Variants in AOX1 observed in about 807,000 individuals in gnomAD.
AOX1 encodes aldehyde oxidase 1.
Under a neutral mutation model 169.5 loss-of-function variants are expected in AOX1, and 153 were observed. That is an observed-to-expected ratio of 0.90 (90% CI 0.79 to 1.03). The LOEUF (loss-of-function observed/expected upper bound fraction) is 1.03. AOX1 is among the 50% of genes least tolerant of loss of function. The probability of loss-of-function intolerance (pLI) is 0.00; values close to 1 mark genes in which losing one functional copy is unlikely to be tolerated. For synonymous variants in AOX1, 562 were observed against 581.9 expected, an observed-to-expected ratio of 0.97 and a Z score of 0.49; for missense variants, 1,656 against 1,663.9, an observed-to-expected ratio of 1.00 and a Z score of 0.08.
chr2:200,618,594 T>C (rs890333836), intron 16 of AOX1, among the ~76,000 whole-genome samples: 1 of 152,196 alleles, frequency 6.6e-6, no homozygotes, highest in South Asian at 2.1e-4. Context: ...ACTCTGCCGT[T>C]CTCTCCTGAT....
intron 1 of AOX1, among the ~76,000 whole-genome samples, chr2:200,590,598 T>G (rs529555006): frequency 2.2e-4 from 34 of 152,226 alleles, no homozygotes; most frequent in South Asian, 1.0e-3. Flanking sequence ...AAAACACATT[T>G]CAAACTGGTG....
intron 31 of AOX1, among the ~76,000 whole-genome samples, chr2:200,663,481 A>G (rs1372119843): frequency 6.6e-6 from 1 of 151,906 alleles, no homozygotes; most frequent in Non-Finnish European, 1.5e-5. Context: ...TGCTTTTTAG[A>G]TAGTTTAAGA....
intron 19 of AOX1, among the ~76,000 whole-genome samples, chr2:200,625,426 C>G (rs1424041984): frequency 6.6e-6 from 1 of 152,138 alleles, no homozygotes; most frequent in Non-Finnish European, 1.5e-5. Flanking sequence ...AGATGCCACT[C>G]CCCCCACCCT....
At chr2:200,608,772 C>T (rs1309937843) in intron 10 of AOX1, among the ~76,000 whole-genome samples, 1 of 152,098 alleles carries the variant, frequency 6.6e-6, no homozygotes, top group Non-Finnish European at 1.5e-5. Flanking sequence ...ACCCCCTCAA[C>T]TGCTATCCCT....
chr2:200,635,255 C>G (rs1414391593), intron 21 of AOX1, among the ~76,000 whole-genome samples: 1 of 152,076 alleles, frequency 6.6e-6, no homozygotes, highest in Non-Finnish European at 1.5e-5. Flanking sequence ...AAGTGGGAGC[C>G]TTTTGTTTGT....
intron 31 of AOX1, among the ~76,000 whole-genome samples, chr2:200,664,748 T>A (rs529946493): frequency 2.0e-5 from 3 of 152,346 alleles, no homozygotes; most frequent in Non-Finnish European, 4.4e-5. Flanking sequence ...ATTCTCCTGT[T>A]GATAGACTTG....
intron 26 of AOX1, among the ~76,000 whole-genome samples, chr2:200,651,750 G>A (rs537492747): frequency 3.3e-5 from 5 of 152,206 alleles, no homozygotes; most frequent in African/African-American, 1.2e-4. Context: ...GGGGGGACTG[G>A]GAATCTGCTC....
In AOX1 at chr2:200,616,054, A is replaced by C. The variant is rs749390148; in HGVS notation, c.1695A>C (p.Leu565Phe). Residue 565 changes from leucine to phenylalanine, a missense_variant, in exon 16 of 35, where the codon TTA becomes TTC. By Grantham distance (22) the Leu-to-Phe change is conservative. Coordinates refer to ENST00000374700, the MANE Select transcript of AOX1 (RefSeq NM_001159.4). ...DLHSKHHCSTLKYQNIGPKQH... is the reference protein window; with the variant it reads ...DLHSKHHCSTFKYQNIGPKQH... ...ATTCCAAACATCACTGCAGTACATT[A>C]AAGTACCAGGTGAGCGGTATTTCTT... The C allele has an allele frequency of 6.2e-7, 1 of 1,611,264 alleles. No individual in the cohort carries two copies. Among genetic ancestry groups the C allele is most frequent in the East Asian group, 2.2e-5 (1 of 44,852 alleles).
intron 20 of AOX1, among the ~76,000 whole-genome samples, chr2:200,632,836 G>T (rs776823466): frequency 1.3e-5 from 2 of 151,494 alleles, no homozygotes; most frequent in Admixed American, 6.6e-5. Context: ...ACTTCTTCTG[G>T]CCTCCATGGT....
intron 18 of AOX1, among the ~76,000 whole-genome samples, chr2:200,621,796 A>T (rs796093464): frequency 1.3e-5 from 2 of 151,874 alleles, no homozygotes; most frequent in African/African-American, 4.8e-5. Context: ...TTTGTCACCC[A>T]GGCTGGAGTG....
intron 4 of AOX1, among the ~76,000 whole-genome samples, chr2:200,598,971 C>G (rs2034346151): frequency 1.3e-5 from 2 of 151,988 alleles, no homozygotes; most frequent in Non-Finnish European, 2.9e-5. Flanking sequence ...GAGAATTCTG[C>G]CTGGATGCCC....
In AOX1 at chr2:200,606,666, G is replaced by A. The variant is rs575655913; in HGVS notation, c.907+1038G>A. Among the ~76,000 whole-genome samples the A allele has an allele frequency of 2.6e-5, 4 of 152,222 alleles. No homozygotes were observed. The East Asian group carries it at 7.7e-4, about 29-fold the overall frequency. ...GTCCTCTCTTATTTCCTTAAGCAGT[G>A]GTTGGTAGTTCTTCCTGAAGAGGTC... On this transcript the variant is annotated intron_variant, in intron 10 of 34. Coordinates refer to ENST00000374700, the MANE Select transcript of AOX1 (RefSeq NM_001159.4).
chr2:200,597,161 G>C (rs893974737), intron 3 of AOX1, among the ~76,000 whole-genome samples: 2 of 152,160 alleles, frequency 1.3e-5, no homozygotes, highest in African/African-American at 4.8e-5. Flanking sequence ...ATTAGGAGGC[G>C]TAATTTTAAT....
chr2:200,619,274 C>T (rs758857588), intron 16 of AOX1, among the ~76,000 whole-genome samples: 7 of 152,104 alleles, frequency 4.6e-5, no homozygotes, highest in Non-Finnish European at 1.0e-4. Context: ...AAGGAAGATC[C>T]AGGGCTCAGG....
At chr2:200,599,127 G>A (rs567247758) in intron 4 of AOX1, among the ~76,000 whole-genome samples, 2 of 152,134 alleles carry the variant, frequency 1.3e-5, no homozygotes, top group Non-Finnish European at 2.9e-5. Flanking sequence ...AAATGCTAGG[G>A]GGAGGGAAAC....
At chr2:200,657,060 A>C in intron 27 of AOX1, 123 bp downstream of exon 27, 11 of 544,402 alleles carry the variant, frequency 2.0e-5, no homozygotes, top group South Asian at 7.4e-5. Flanking sequence ...GAGGTGGCTC[A>C]TGCCTGTAAT....
At chr2:200,589,784 T>C (rs888566769) in intron 1 of AOX1, among the ~76,000 whole-genome samples, 1 of 152,162 alleles carries the variant, frequency 6.6e-6, no homozygotes, top group Non-Finnish European at 1.5e-5. Flanking sequence ...GCATAGACTT[T>C]TGGTACTGGT....
At chr2:200,637,420 A>G (rs920925294) in intron 22 of AOX1, among the ~76,000 whole-genome samples, 1 of 152,136 alleles carries the variant, frequency 6.6e-6, no homozygotes, top group Non-Finnish European at 1.5e-5. Flanking sequence ...ATTTATATAC[A>G]TATAAACCAT....
chr2:200,623,380 G>T (rs1206823942), intron 18 of AOX1, among the ~76,000 whole-genome samples: 3 of 152,220 alleles, frequency 2.0e-5, no homozygotes, highest in Non-Finnish European at 4.4e-5. Context: ...AAGACAGTTT[G>T]TGAGGAGAGA....
Sources: gnomAD v4.1 joint callset for allele counts (sites outside exome capture counted in the v4.1 genomes callset) on GRCh38, gnomAD v4.1.1 for gene constraint, MANE v1.5 for transcripts, NCBI Gene and HGNC (gene_info 2026-07-23, HGNC 2026-07-21) for gene names.